The following SEMA4D variants were observed in gnomAD, a reference collection of about 807,000 sequenced individuals.
SEMA4D encodes semaphorin 4D.
Under a neutral mutation model 74.8 loss-of-function variants are expected in SEMA4D, and 22 were observed. The observed-to-expected ratio is 0.29, with a 90% CI of 0.21 to 0.42. The LOEUF (loss-of-function observed/expected upper bound fraction) is 0.42. Ranked by LOEUF, SEMA4D falls within the 10% of genes least tolerant of loss-of-function variation. The pLI is 1.00. For synonymous variants in SEMA4D, 445 were observed against 463.7 expected, an observed-to-expected ratio of 0.96 and a Z score of 0.52; for missense variants, 937 against 1,118.4, an observed-to-expected ratio of 0.84 and a Z score of 2.31.
At position 89,461,700 on chromosome 9, in the gene SEMA4D, C is replaced by CTCTTTTTTTTTTTTTTTTTTT. The variant is rs71281350; in HGVS notation, c.-309-5748_-309-5747insAAAAAAAAAAAAAAAAAAAGA. On this transcript the variant is annotated intron_variant, in intron 1 of 15. Coordinates refer to ENST00000422704, the MANE Select transcript of SEMA4D (RefSeq NM_001371194.2). Reference sequence around the variant, plus strand: ...GGGCCAATGTGTATTTCTTTTTTCTCTTTTTTTTTTTTTTTTTTTGGAGAC... The same window carrying CTCTTTTTTTTTTTTTTTTTTT: ...GGGCCAATGTGTATTTCTTTTTTCTCTCTTTTTTTTTTTTTTTTTTTTTTTTTTTTTTTTTTTTTTGGAGAC... Among the ~76,000 whole-genome samples the CTCTTTTTTTTTTTTTTTTTTT allele has an allele frequency of 1.1e-4, 11 of 103,658 alleles. 1 individual carries two copies. The highest frequency in any genetic ancestry group is 7.3e-4 in the East Asian group (2 of 2,730). 68.0% of individuals were successfully genotyped at this position (103,658 alleles called of 152,430 possible). A position where few individuals can be genotyped will look rare whatever the true frequency, so the allele number is the denominator to read the frequency against.
intron 1 of SEMA4D, among the ~76,000 whole-genome samples, chr9:89,467,063 C>CGG: frequency 6.6e-6 from 1 of 152,362 alleles, no homozygotes; most frequent in South Asian, 2.1e-4. Context: ...GTGAAGTTAA[C>CGG]GGGGGTTGTC....
chr9:89,389,403 T>C lies in SEMA4D; in HGVS notation c.775-356A>G, dbSNP rs540570257. Among the ~76,000 whole-genome samples the C allele has an allele frequency of 2.0e-4, 30 of 152,302 alleles. No individual in the cohort carries two copies. In the South Asian group the frequency reaches 6.0e-3, roughly 30 times the overall value. ...TTCCAACTGCCAAGGCCCCTGGCAT[T>C]GTGTGACTTTCCTGACATAGGGCCC... is the stretch of plus-strand genomic sequence containing the variant. On this transcript the variant is annotated intron_variant, in intron 9 of 15. Transcript: ENST00000422704.
chr9:89,389,117 G>A (rs1839232827), intron 9 of SEMA4D, 70 bp from the exon 10 acceptor site: 6 of 1,534,018 alleles, frequency 3.9e-6, no homozygotes, highest in Admixed American at 1.7e-5. Context: ...AAGGTCAGAG[G>A]TGCACCCCTC....
At chr9:89,487,551 A>G (rs978694169) in intron 1 of SEMA4D, among the ~76,000 whole-genome samples, 2 of 152,160 alleles carry the variant, frequency 1.3e-5, no homozygotes, top group African/African-American at 4.8e-5. Context: ...AAGAAGAAAA[A>G]GGAGTAAAAG....
rs1468760305 is a variant in SEMA4D at position 89,485,793 on chromosome 9, AAAAAAAAAAAAAAAAAAAAAAG to A, written c.-310+12104_-310+12125del. The stretch of plus-strand genomic sequence containing the variant: ...ACAAGAGCAAAACTCCATCTCAAAA[AAAAAAAAAAAAAAAAAAAAAAG>A]AAAAAAAAAAAACCACTAACCAACT... On this transcript the variant is annotated intron_variant, in intron 1 of 15. Coordinates refer to ENST00000422704, the MANE Select transcript of SEMA4D (RefSeq NM_001371194.2). 1.8e-3 allele frequency among the ~76,000 whole-genome samples: 74 copies of A among 40,098 alleles called. 1 individual carries two copies. The Middle Eastern group carries it at 0.05, about 27-fold the overall frequency. 26.3% of individuals were successfully genotyped at this position (40,098 alleles called of 152,430 possible).
intron 13 of SEMA4D, among the ~76,000 whole-genome samples, chr9:89,384,417 T>C (rs774277614): frequency 6.6e-6 from 1 of 152,224 alleles, no homozygotes; most frequent in East Asian, 1.9e-4. Flanking sequence ...ACTGTGTGAT[T>C]CCACTCATAT....
intron 1 of SEMA4D, among the ~76,000 whole-genome samples, chr9:89,482,223 G>A (rs564950037): frequency 2.0e-4 from 30 of 152,250 alleles, no homozygotes; most frequent in African/African-American, 5.8e-4. Flanking sequence ...CCTGGGACAC[G>A]TCCACAGAGA....
At position 89,444,733 on chromosome 9, in the gene SEMA4D, A is replaced by C. The variant is rs1852430714; in HGVS notation, c.-244+11155T>G. On this transcript the variant is annotated intron_variant, in intron 2 of 15. Coordinates refer to ENST00000422704, the MANE Select transcript of SEMA4D (RefSeq NM_001371194.2). ...CAGAAAATCCTCAGACAACCCATGT[A>C]ATCTTCTTAACAAACGCTGGTACCC... 2.6e-5 allele frequency among the ~76,000 whole-genome samples: 4 copies of C among 152,184 alleles called. No homozygotes were observed. The South Asian group carries it at 6.2e-4, about 24-fold the overall frequency.
chr9:89,396,419 C>T (rs146115285), intron 6 of SEMA4D, among the ~76,000 whole-genome samples: 60 of 152,366 alleles, frequency 3.9e-4, no homozygotes, highest in African/African-American at 1.3e-3. Flanking sequence ...TTCAGGCTGT[C>T]TGTACTTTCC....
In SEMA4D at chr9:89,478,656, G is replaced by A. The variant is rs183659841; in HGVS notation, c.-310+19263C>T. ...CAATACACAGACTATGAAAATGTGC[G>A]GAATGAGATGAAATGAATCATCCTC... On this transcript the variant is annotated intron_variant, in intron 1 of 15. Transcript: ENST00000422704. 1.4e-3 allele frequency among the ~76,000 whole-genome samples: 214 copies of A among 152,172 alleles called. 1 individual carries two copies. Among genetic ancestry groups the A allele is most frequent in the Admixed American group, 3.8e-3 (58 of 15,288 alleles).
chr9:89,452,805 G>A (rs1854932752), intron 2 of SEMA4D, among the ~76,000 whole-genome samples: 1 of 152,218 alleles, frequency 6.6e-6, no homozygotes, highest in Non-Finnish European at 1.5e-5. Context: ...TGCTTCCTCT[G>A]AAGTGACCTG....
intron 2 of SEMA4D, among the ~76,000 whole-genome samples, chr9:89,424,303 G>C (rs1444876687): frequency 2.0e-5 from 3 of 152,174 alleles, no homozygotes; most frequent in African/African-American, 7.2e-5. Flanking sequence ...CCCACACCAA[G>C]GTGCGGAAAG....
At chr9:89,376,216 A>G (rs1313556375), downstream of SEMA4D, among the ~76,000 whole-genome samples, 1 of 152,230 alleles carries the variant, frequency 6.6e-6, no homozygotes, top group Non-Finnish European at 1.5e-5. Flanking sequence ...TACCACGTAT[A>G]TCAACCTCCA....
At chr9:89,457,134 C>T (rs576163244) in intron 1 of SEMA4D, among the ~76,000 whole-genome samples, 4 of 152,108 alleles carry the variant, frequency 2.6e-5, no homozygotes, top group Admixed American at 2.0e-4. Context: ...GCAGGATGGT[C>T]GCTTTCATCT....
chr9:89,384,921 C>A (rs1370133308), intron 13 of SEMA4D: 4 of 985,322 alleles, frequency 4.1e-6, no homozygotes, highest in Non-Finnish European at 3.6e-6. Context: ...GGCACAGGAC[C>A]CCACGGCAGG....
intron 2 of SEMA4D, among the ~76,000 whole-genome samples, chr9:89,452,057 T>C (rs1854650862): frequency 6.6e-6 from 1 of 152,160 alleles, no homozygotes; most frequent in African/African-American, 2.4e-5. Context: ...GCTATGGATC[T>C]GAGTGTGTTG....
chr9:89,383,696 T>G (rs557043465), intron 13 of SEMA4D, among the ~76,000 whole-genome samples: 5 of 152,242 alleles, frequency 3.3e-5, no homozygotes, highest in African/African-American at 1.2e-4. Flanking sequence ...CATGTGGAGC[T>G]AGGTGGGGGC....
At chr9:89,375,777 G>A (rs562460097), downstream of SEMA4D, among the ~76,000 whole-genome samples, 1 of 152,214 alleles carries the variant, frequency 6.6e-6, no homozygotes, top group South Asian at 2.1e-4. Flanking sequence ...TTCAAGAGCA[G>A]ATATCCCATC....
intron 11 of SEMA4D, among the ~76,000 whole-genome samples, 173 bp from the exon 12 acceptor site, chr9:89,387,781 C>T (rs1429331731): frequency 6.6e-6 from 1 of 152,204 alleles, no homozygotes; most frequent in African/African-American, 2.4e-5. Flanking sequence ...GGCCTCTCCC[C>T]AGCCAGCAGA....
Sources: gnomAD v4.1 joint callset for allele counts (sites outside exome capture counted in the v4.1 genomes callset) on GRCh38, gnomAD v4.1.1 for gene constraint, MANE v1.5 for transcripts, NCBI Gene and HGNC (gene_info 2026-07-23, HGNC 2026-07-21) for gene names.